The following POLB variants were observed in gnomAD, a reference collection of about 807,000 sequenced individuals.
The protein encoded by POLB is DNA polymerase beta.
In POLB, 37 loss-of-function variants were observed where a neutral mutation model predicts 52.7. That is an observed-to-expected ratio of 0.70 (90% CI 0.54 to 0.92). POLB has a LOEUF of 0.92. POLB is among the 40% of genes least tolerant of loss of function. POLB has a pLI of 0.00. For missense variants in POLB, 313 were observed against 400.8 expected (o/e 0.78, Z 1.87); for synonymous variants, 138 against 131.3 (o/e 1.05, Z -0.35).
chr8:42,343,955 CCT>C (rs777084187), intron 2 of POLB, among the ~76,000 whole-genome samples: 3 of 151,572 alleles, frequency 2.0e-5, no homozygotes, highest in Non-Finnish European at 4.4e-5. Context: ...ATGGTGAAAC[CCT>C]GTCTGTACTA....
At chr8:42,349,963 C>A in intron 4 of POLB, 44 bp from the exon 5 acceptor site, 1 of 1,314,168 alleles carries the variant, frequency 7.6e-7, no homozygotes, top group Non-Finnish European at 1.1e-6. Flanking sequence ...TTTAAGTCCT[C>A]AAAGCATTCC....
At chr8:42,358,360 A>G (rs574832848) in intron 9 of POLB, among the ~76,000 whole-genome samples, 1 of 151,894 alleles carries the variant, frequency 6.6e-6, no homozygotes, top group Non-Finnish European at 1.5e-5. Context: ...AAATTAGCCA[A>G]GCGTAGTGGT....
chr8:42,343,445 T>A (rs1822382119), intron 2 of POLB, among the ~76,000 whole-genome samples: 2 of 144,668 alleles, frequency 1.4e-5, no homozygotes, highest in South Asian at 4.4e-4. Context: ...GATAATTGCT[T>A]GAACCTGGGA....
intron 2 of POLB, among the ~76,000 whole-genome samples, chr8:42,344,160 G>A (rs899035615): frequency 7.2e-6 from 1 of 139,764 alleles, no homozygotes; most frequent in Non-Finnish European, 1.5e-5. Context: ...AAAAAAAAAA[G>A]TGGCCGGGAG....
chr8:42,347,456 T>C (rs1276164544), intron 3 of POLB, among the ~76,000 whole-genome samples: 1 of 151,306 alleles, frequency 6.6e-6, no homozygotes, highest in Non-Finnish European at 1.5e-5. Flanking sequence ...TTATTCTAGA[T>C]TATCTAATCT....
In POLB at chr8:42,349,077, G is replaced by A. The variant is rs569030873; in HGVS notation, c.248G>A (p.Arg83His). 29 of 1,592,946 alleles carry A rather than the reference G, an allele frequency of 1.8e-5. No homozygotes were observed. Among genetic ancestry groups the A allele is most frequent in the South Asian group, 8.9e-5 (8 of 89,862 alleles). Residue 83 changes from arginine (R) to histidine (H), a missense_variant, in exon 4 of 14, where the codon CGT (arginine) becomes CAT (histidine). By Grantham distance (29) the Arg-to-His change is conservative (BLOSUM62 0). Transcript: ENST00000265421. ...GAGTTTTTAGCAACTGGAAAATTAC[G>A]TAAACTGGAAAAGGTAAAATTTTAA... ...IDEFLATGKL[R>H]KLEKIRQDDT...
rs961115341 is a variant in POLB at position 42,338,529 on chromosome 8, C to A, written c.-96C>A. 2 of 1,127,334 alleles carry A rather than the reference C, an allele frequency of 1.8e-6. No homozygotes were observed. The highest frequency in any genetic ancestry group is 1.5e-5 in the African/African-American group (1 of 65,620). 69.8% of individuals were successfully genotyped at this position (1,127,334 alleles called of 1,614,324 possible). ...CGGTCGCGCCGGAGCTGGGTTGCTCCTGCTCCCGTCTCCAAGTCCTGGTAC... is the reference window on the plus strand; with the variant it reads ...CGGTCGCGCCGGAGCTGGGTTGCTCATGCTCCCGTCTCCAAGTCCTGGTAC... On this transcript the variant is annotated 5_prime_UTR_variant, in exon 1 of 14. In the 5' UTR this introduces an upstream ATG that the reference lacks. Coordinates refer to ENST00000265421, the MANE Select transcript of POLB (RefSeq NM_002690.3).
intron 13 of POLB, among the ~76,000 whole-genome samples, chr8:42,370,682 T>G (rs1824325509): frequency 6.6e-6 from 1 of 152,146 alleles, no homozygotes; most frequent in African/African-American, 2.4e-5. Flanking sequence ...CTAGTAAGCT[T>G]CTAGATCAGA....
chr8:42,339,383 G>A (rs1283360268), intron 2 of POLB: 1 of 350,858 alleles, frequency 2.9e-6, no homozygotes, highest in East Asian at 6.5e-5. Flanking sequence ...TCCATACTGT[G>A]AAATATATGT....
chr8:42,350,867 CA>C (rs771680084), intron 5 of POLB, among the ~76,000 whole-genome samples: 9 of 65,548 alleles, frequency 1.4e-4, no homozygotes, highest in Admixed American at 5.2e-4. Context: ...GGAAGAATTA[CA>C]AAAATTTTTT....
At chr8:42,355,588 T>G in intron 7 of POLB, 21 bp downstream of exon 7, 1 of 1,513,198 alleles carries the variant, frequency 6.6e-7, no homozygotes. Flanking sequence ...AGATTTTCTT[T>G]TGACACTTGA....
intron 11 of POLB, among the ~76,000 whole-genome samples, chr8:42,365,225 T>C (rs1294961566): frequency 1.3e-5 from 2 of 152,148 alleles, no homozygotes; most frequent in African/African-American, 2.4e-5. Flanking sequence ...TTTTCTAAGG[T>C]GGTCACACTT....
In POLB at chr8:42,338,545, G is replaced by C; in HGVS notation, c.-80G>C. ...GGGTTGCTCCTGCTCCCGTCTCCAA[G>C]TCCTGGTACCTCCTTCAAGCTGGGA... On this transcript the variant is annotated 5_prime_UTR_variant, in exon 1 of 14. Transcript: ENST00000265421. 1 of 1,306,540 alleles carries C rather than the reference G, an allele frequency of 7.7e-7. No homozygotes were observed. The highest frequency in any genetic ancestry group is 1.7e-5 in the Admixed American group (1 of 59,092). The allele number at this position is 1,306,540 out of a possible 1,614,324, so 80.9% of individuals were successfully genotyped here. A position where few individuals can be genotyped will look rare whatever the true frequency, so the allele number is the denominator to read the frequency against.
At chr8:42,364,796 G>A (rs775733554) in intron 11 of POLB, among the ~76,000 whole-genome samples, 42 of 152,152 alleles carry the variant, frequency 2.8e-4, no homozygotes, top group Non-Finnish European at 5.3e-4. Flanking sequence ...TGGAAGGAGG[G>A]GGTAATAGGG....
intron 11 of POLB, among the ~76,000 whole-genome samples, chr8:42,367,956 G>A (rs1012647673): frequency 2.0e-5 from 3 of 152,136 alleles, no homozygotes; most frequent in African/African-American, 4.8e-5. Flanking sequence ...TGGCTACCCC[G>A]AGGAAATGAA....
intron 2 of POLB, among the ~76,000 whole-genome samples, chr8:42,340,799 CT>C (rs1822154791): frequency 6.6e-6 from 1 of 152,328 alleles, no homozygotes; most frequent in East Asian, 1.9e-4. Flanking sequence ...CCCTCCTTTC[CT>C]TACTTCTGTG....
chr8:42,340,696 C>CT (rs1160992210), intron 2 of POLB, among the ~76,000 whole-genome samples: 1 of 152,134 alleles, frequency 6.6e-6, no homozygotes, highest in Non-Finnish European at 1.5e-5. Flanking sequence ...TATCACTGGA[C>CT]TTTTTTCCAC....
Position 42,355,661 on chromosome 8 carries a change from C to T in POLB, c.422+94C>T, listed in dbSNP as rs1823267152. 1.8e-5 allele frequency: 13 copies of T among 718,616 alleles called. No individual in the cohort carries two copies. In the South Asian group the frequency reaches 2.1e-4, roughly 12 times the overall value. The allele number at this position is 718,616 out of a possible 1,614,324, so 44.5% of individuals were successfully genotyped here. On this transcript the variant is annotated intron_variant, in intron 7 of 13. Transcript: ENST00000265421. The stretch of plus-strand genomic sequence containing the variant: ...CACCAGAAGGACTCTTCAAACTTAG[C>T]TAAACCACAACCATTTTCCTATTCA...
chr8:42,360,666 A>G (rs1393730798), intron 9 of POLB, among the ~76,000 whole-genome samples: 4 of 152,198 alleles, frequency 2.6e-5, no homozygotes, highest in Admixed American at 2.0e-4. Context: ...ATAGCTGTAT[A>G]TAACTTGCCT....
Sources: allele counts gnomAD v4.1 joint callset (sites outside exome capture counted in the v4.1 genomes callset), GRCh38; gene constraint gnomAD v4.1.1; transcripts MANE v1.5; gene names NCBI Gene and HGNC (gene_info 2026-07-23, HGNC 2026-07-21).